The following CCDC171 variants were observed in gnomAD, a reference collection of about 807,000 sequenced individuals.
CCDC171 encodes the protein coiled-coil domain-containing protein 171.
In CCDC171, 177 loss-of-function variants were observed where a neutral mutation model predicts 168.2. That is an observed-to-expected ratio of 1.05 (90% CI 0.93 to 1.19). CCDC171 has a LOEUF of 1.19. CCDC171 is among the 50% of genes most tolerant of loss of function. The pLI is 0.00. For missense variants in CCDC171, 1,991 were observed against 1,539.0 expected, an observed-to-expected ratio of 1.29 and a Z score of -4.91; for synonymous variants, 687 against 540.8, an observed-to-expected ratio of 1.27 and a Z score of -3.75.
chr9:16,083,741 AGCT>A, the CCDC171 span, among the ~76,000 whole-genome samples: 34 of 152,304 alleles, frequency 2.2e-4, no homozygotes, highest in African/African-American at 7.7e-4. Flanking sequence ...CAGTGGTGTT[AGCT>A]CCCCTAATGG....
chr9:15,861,123 A>G (rs1470851386), intron 23 of CCDC171, among the ~76,000 whole-genome samples: 2 of 151,832 alleles, frequency 1.3e-5, no homozygotes, highest in East Asian at 3.9e-4. Context: ...CCAAATGGTA[A>G]CTAATGGAAT....
At chr9:15,798,732 G>T (rs985859591) in intron 21 of CCDC171, among the ~76,000 whole-genome samples, 3 of 152,106 alleles carry the variant, frequency 2.0e-5, no homozygotes, top group Non-Finnish European at 4.4e-5. Context: ...GTAGATTTAA[G>T]TAGTTGCAAC....
At chr9:15,836,223 C>A (rs1244221469) in intron 21 of CCDC171, among the ~76,000 whole-genome samples, 1 of 152,140 alleles carries the variant, frequency 6.6e-6, no homozygotes, top group East Asian at 1.9e-4. Flanking sequence ...ACTTTACAAC[C>A]ACAAGTGATT....
At chr9:16,022,128 T>A (rs1833183742) in intron 4 of CCDC171, among the ~76,000 whole-genome samples, 1 of 151,952 alleles carries the variant, frequency 6.6e-6, no homozygotes, top group African/African-American at 2.4e-5. Context: ...TGGCAGGAGG[T>A]GATGGCTACT....
intron 9 of CCDC171, among the ~76,000 whole-genome samples, chr9:15,676,706 A>G (rs976577219): frequency 9.2e-5 from 14 of 152,176 alleles, no homozygotes; most frequent in South Asian, 4.2e-4. Flanking sequence ...TTGAGAAATT[A>G]TTTATCAGAG....
At chr9:15,959,034 C>A (rs1830092640) in intron 25 of CCDC171, among the ~76,000 whole-genome samples, 1 of 152,132 alleles carries the variant, frequency 6.6e-6, no homozygotes, top group African/African-American at 2.4e-5. Context: ...TTATGAGGAT[C>A]AGGGTTGAAG....
At chr9:16,015,198 C>T (rs1832978430) in intron 3 of CCDC171, among the ~76,000 whole-genome samples, 1 of 152,288 alleles carries the variant, frequency 6.6e-6, no homozygotes, top group African/African-American at 2.4e-5. Flanking sequence ...GCAGCTTCTA[C>T]GTCGGCATTT....
chr9:15,857,245 G>A (rs1180141954), intron 23 of CCDC171, among the ~76,000 whole-genome samples: 2 of 151,736 alleles, frequency 1.3e-5, no homozygotes, highest in Admixed American at 6.6e-5. Flanking sequence ...AGTTTCACTT[G>A]TCTGTTTTCA....
chr9:15,996,449 G>T (rs1219072942), intron 3 of CCDC171, among the ~76,000 whole-genome samples: 1 of 146,636 alleles, frequency 6.8e-6, no homozygotes, highest in African/African-American at 2.5e-5. Flanking sequence ...TTTGCGGGGG[G>T]CGGACATTGG....
intron 10 of CCDC171, among the ~76,000 whole-genome samples, chr9:15,687,050 C>T (rs2050446486): frequency 6.6e-6 from 1 of 152,112 alleles, no homozygotes; most frequent in Non-Finnish European, 1.5e-5. Flanking sequence ...TGAAATCATA[C>T]AAAGTGTCTT....
chr9:15,613,695 T>C (rs1013863191), intron 6 of CCDC171, among the ~76,000 whole-genome samples: 5 of 152,020 alleles, frequency 3.3e-5, no homozygotes, highest in African/African-American at 1.2e-4. Flanking sequence ...GCTAATTTTT[T>C]TGTATTTTTA....
intron 23 of CCDC171, among the ~76,000 whole-genome samples, chr9:15,863,600 A>T (rs1015725910): frequency 6.6e-5 from 10 of 151,190 alleles, no homozygotes; most frequent in African/African-American, 2.2e-4. Flanking sequence ...TACATTTTCT[A>T]TTTTGGAAGA....
At chr9:15,794,995 C>T (rs1377374156) in intron 21 of CCDC171, among the ~76,000 whole-genome samples, 1 of 152,202 alleles carries the variant, frequency 6.6e-6, no homozygotes, top group Non-Finnish European at 1.5e-5. Flanking sequence ...TCTTCCCACT[C>T]CAAACACAGA....
intron 3 of CCDC171, among the ~76,000 whole-genome samples, chr9:16,008,029 A>T (rs1163649915): frequency 6.6e-6 from 1 of 152,182 alleles, no homozygotes; most frequent in Non-Finnish European, 1.5e-5. Context: ...TCTGTGGATT[A>T]TCTTTTTACT....
At chr9:15,618,554 G>C (rs952476255) in intron 6 of CCDC171, among the ~76,000 whole-genome samples, 1 of 152,140 alleles carries the variant, frequency 6.6e-6, no homozygotes, top group Admixed American at 6.5e-5. Flanking sequence ...TGGAGTTCCA[G>C]GTGCCACTGG....
At chr9:15,968,576 T>G (rs1831030510) in intron 25 of CCDC171, among the ~76,000 whole-genome samples, 1 of 149,060 alleles carries the variant, frequency 6.7e-6, no homozygotes, top group Non-Finnish European at 1.5e-5. Context: ...AGTCTTGCTC[T>G]GTTGCCCAGG....
At chr9:15,734,076 C>A (rs967194267) in intron 16 of CCDC171, among the ~76,000 whole-genome samples, 1 of 152,162 alleles carries the variant, frequency 6.6e-6, no homozygotes, top group East Asian at 1.9e-4. Flanking sequence ...TACCCAGCTG[C>A]AGTTCATTTT....
intron 11 of CCDC171, among the ~76,000 whole-genome samples, chr9:15,701,125 T>A (rs2051698275): frequency 6.6e-6 from 1 of 152,238 alleles, no homozygotes; most frequent in Non-Finnish European, 1.5e-5. Flanking sequence ...GAGTTCCTTG[T>A]GTATTCTGGA....
intron 25 of CCDC171, among the ~76,000 whole-genome samples, chr9:15,962,836 A>C (rs1467475483): frequency 6.6e-6 from 1 of 151,576 alleles, no homozygotes; most frequent in African/African-American, 2.4e-5. Flanking sequence ...TTCCAGAAAA[A>C]ATAGGGATAG....
Sources: gnomAD v4.1 joint callset for allele counts (sites outside exome capture counted in the v4.1 genomes callset) on GRCh38, gnomAD v4.1.1 for gene constraint, MANE v1.5 for transcripts, NCBI Gene and HGNC (gene_info 2026-07-23, HGNC 2026-07-21) for gene names.